The following ESRRG variants were observed in gnomAD, a reference collection of about 807,000 sequenced individuals.
ESRRG encodes the protein estrogen related receptor gamma.
ESRRG carries 13 observed loss-of-function variants against 44.0 expected under a neutral mutation model. The ratio of observed to expected loss-of-function variants is 0.30; its 90% CI spans 0.19 to 0.47. ESRRG has a LOEUF of 0.47. ESRRG is among the 20% of genes least tolerant of loss of function. The pLI is 1.00. For missense variants in ESRRG, 395 were observed against 580.6 expected, an observed-to-expected ratio of 0.68 and a Z score of 3.29; for synonymous variants, 215 against 214.6, an observed-to-expected ratio of 1.00 and a Z score of -0.02.
chr1:216,561,374 C>T (rs543725935), intron 5 of ESRRG, among the ~76,000 whole-genome samples: 2 of 152,002 alleles, frequency 1.3e-5, no homozygotes, highest in Non-Finnish European at 2.9e-5. Flanking sequence ...AATGACTTCA[C>T]TTTAACATAA....
chr1:216,990,063 C>T (rs2075448138), intron 1 of ESRRG, among the ~76,000 whole-genome samples: 1 of 152,054 alleles, frequency 6.6e-6, no homozygotes, highest in Admixed American at 6.5e-5. Flanking sequence ...CCCAACAATT[C>T]TTTAGAGTCA....
chr1:216,889,851 G>A (rs1462053464), intron 2 of ESRRG, among the ~76,000 whole-genome samples: 1 of 152,172 alleles, frequency 6.6e-6, no homozygotes, highest in Non-Finnish European at 1.5e-5. Flanking sequence ...TGTATAGAAA[G>A]TGGAGGAAAA....
At chr1:216,532,842 C>T (rs1246220410) in intron 5 of ESRRG, among the ~76,000 whole-genome samples, 2 of 152,118 alleles carry the variant, frequency 1.3e-5, no homozygotes, top group African/African-American at 2.4e-5. Context: ...AACAATAATA[C>T]TTGACGGGAA....
chr1:216,803,386 C>T (rs2094685235), intron 2 of ESRRG, among the ~76,000 whole-genome samples: 1 of 152,128 alleles, frequency 6.6e-6, no homozygotes, highest in African/African-American at 2.4e-5. Flanking sequence ...AGTGTTCAGA[C>T]TCTTGAGTGT....
chr1:216,732,120 AAAT>A (rs977887917), intron 2 of ESRRG, among the ~76,000 whole-genome samples: 4 of 112,184 alleles, frequency 3.6e-5, no homozygotes, highest in East Asian at 2.4e-4. Flanking sequence ...TAAAAAAAGA[AAAT>A]AAAAAAAAGA....
At position 217,039,358 on chromosome 1, in the gene ESRRG, C is replaced by T. The variant is rs139379127; in HGVS notation, c.-106+50149G>A. ...TTCATGCTGCTGATAAATATGTACCCGAGACTGGGCAATTTACAAAACAAA... is the reference window on the plus strand; with the variant it reads ...TTCATGCTGCTGATAAATATGTACCTGAGACTGGGCAATTTACAAAACAAA... On this transcript the variant is annotated intron_variant, in intron 1 of 7. Coordinates refer to the ESRRG transcript ENST00000359162. 1.2e-3 allele frequency among the ~76,000 whole-genome samples: 181 copies of T among 152,188 alleles called. 1 individual carries two copies. Among genetic ancestry groups the T allele is most frequent in the African/African-American group, 4.0e-3 (168 of 41,516 alleles).
intron 3 of ESRRG, among the ~76,000 whole-genome samples, chr1:216,586,480 TATA>T (rs1382003320): frequency 6.6e-6 from 1 of 152,022 alleles, no homozygotes; most frequent in Admixed American, 6.5e-5. Context: ...ATTTCCGAAA[TATA>T]ATATGTAGTA....
At position 216,863,697 on chromosome 1, in the gene ESRRG, G is replaced by A. The variant is rs562805695; in HGVS notation, c.-14+75885C>T. 5 of 152,232 alleles carry A rather than the reference G, an allele frequency of 3.3e-5. No individual in the cohort carries two copies. In the East Asian group the frequency reaches 9.6e-4, roughly 29 times the overall value. The allele number at this position is 152,232 out of a possible 1,614,324, so 9.4% of individuals were successfully genotyped here. A position where few individuals can be genotyped will look rare whatever the true frequency, so the allele number is the denominator to read the frequency against. On this transcript the variant is annotated intron_variant, in intron 2 of 7. Transcript: ENST00000359162. ...TAAAAATAGTTTTTCTTTCTCAGGA[G>A]TCATGGGCTTTGTTCTTTGCTATTC... is the stretch of plus-strand genomic sequence containing the variant.
intron 2 of ESRRG, among the ~76,000 whole-genome samples, chr1:216,746,654 T>C (rs1311923910): frequency 6.6e-6 from 1 of 152,182 alleles, no homozygotes; most frequent in African/African-American, 2.4e-5. Flanking sequence ...TTAGATCCTA[T>C]AGCTGATTAG....
intron 1 of ESRRG, among the ~76,000 whole-genome samples, chr1:217,045,106 C>G (rs540277362): frequency 1.3e-5 from 2 of 152,284 alleles, no homozygotes; most frequent in African/African-American, 4.8e-5. Context: ...TTAATGTGCT[C>G]AGCTGGGGAA....
intron 2 of ESRRG, among the ~76,000 whole-genome samples, chr1:216,785,500 T>G (rs2094095285): frequency 6.6e-6 from 1 of 151,978 alleles, no homozygotes; most frequent in African/African-American, 2.4e-5. Flanking sequence ...AGCAAGCCCC[T>G]ACCTCTGAGC....
At chr1:216,719,347 C>A (rs2085647907) in intron 1 of ESRRG, among the ~76,000 whole-genome samples, 1 of 151,810 alleles carries the variant, frequency 6.6e-6, no homozygotes, top group Non-Finnish European at 1.5e-5. Flanking sequence ...CCAGGAAGCA[C>A]AAGTATTTTT....
At position 216,962,332 on chromosome 1, in the gene ESRRG, C is replaced by G. The variant is rs563195864; in HGVS notation, c.-105-22659G>C. ...CCCAACTAGGAATCTCTGGTCAAGT[C>G]TTTGAGTTTTTCTGCTTTCTTCTCT... On this transcript the variant is annotated intron_variant, in intron 1 of 7. Transcript: ENST00000359162. Among the ~76,000 whole-genome samples, 137 of 151,812 alleles carry G rather than the reference C, an allele frequency of 9.0e-4. 1 individual carries two copies. Among genetic ancestry groups the G allele is most frequent in the African/African-American group, 3.2e-3 (131 of 41,152 alleles).
intron 2 of ESRRG, among the ~76,000 whole-genome samples, chr1:216,810,760 A>G (rs1216580723): frequency 6.7e-6 from 1 of 148,254 alleles, no homozygotes; most frequent in Non-Finnish European, 1.5e-5. Flanking sequence ...TATGATATAT[A>G]TAACTATGAT....
chr1:217,050,665 T>G (rs2085783098), intron 1 of ESRRG, among the ~76,000 whole-genome samples: 1 of 152,196 alleles, frequency 6.6e-6, no homozygotes, highest in Non-Finnish European at 1.5e-5. Context: ...CGGGCCATCC[T>G]CTACCCAAAC....
intron 3 of ESRRG, among the ~76,000 whole-genome samples, chr1:216,626,780 T>C (rs912617049): frequency 3.3e-5 from 5 of 152,222 alleles, no homozygotes; most frequent in Admixed American, 3.3e-4. Flanking sequence ...GGTATCTTTG[T>C]AACTGGCCTT....
At chr1:216,587,683 A>G (rs2149928965) in intron 3 of ESRRG, among the ~76,000 whole-genome samples, 1 of 152,320 alleles carries the variant, frequency 6.6e-6, no homozygotes, top group East Asian at 1.9e-4. Flanking sequence ...ACATTTTTAA[A>G]TAAAACCATT....
At chr1:216,742,250 T>A (rs1489944254) in intron 2 of ESRRG, among the ~76,000 whole-genome samples, 1 of 152,144 alleles carries the variant, frequency 6.6e-6, no homozygotes, top group East Asian at 1.9e-4. Flanking sequence ...TCTGTATACA[T>A]GTGATATGTC....
At chr1:216,721,962 T>G (rs1230806789) in intron 1 of ESRRG, among the ~76,000 whole-genome samples, 1 of 152,216 alleles carries the variant, frequency 6.6e-6, no homozygotes, top group Non-Finnish European at 1.5e-5. Context: ...ATATTCCCTG[T>G]GTGAGCATGG....
Sources: allele counts gnomAD v4.1 joint callset (sites outside exome capture counted in the v4.1 genomes callset), GRCh38; gene constraint gnomAD v4.1.1; transcripts MANE v1.5; gene names NCBI Gene and HGNC (gene_info 2026-07-23, HGNC 2026-07-21).